LYN: variants seen among roughly 807,000 people sequenced by gnomAD.
The protein encoded by LYN is LYN proto-oncogene, Src family tyrosine kinase, also known as tyrosine-protein kinase Lyn.
LYN carries 12 observed loss-of-function variants against 65.0 expected under a neutral mutation model. The ratio of observed to expected loss-of-function variants is 0.18; its 90% confidence interval spans 0.12 to 0.30. The LOEUF (loss-of-function observed/expected upper bound fraction) is 0.30, where lower values mean the gene tolerates loss of function less well. Ranked by LOEUF, LYN falls within the 10% of genes least tolerant of loss-of-function variation. LYN has a pLI of 1.00. For synonymous variants in LYN, 222 were observed against 221.2 expected (o/e 1.00, Z -0.03); for missense variants, 380 against 623.2 (o/e 0.61, Z 4.16).
chr8:55,907,532 A>C (rs1034306277), intron 1 of LYN, among the ~76,000 whole-genome samples: 1 of 152,176 alleles, frequency 6.6e-6, no homozygotes, highest in African/African-American at 2.4e-5. Flanking sequence ...CAGCACAGTT[A>C]GGATCTTTAC....
At chr8:55,960,143 T>A (rs1807232411) in intron 8 of LYN, among the ~76,000 whole-genome samples, 1 of 152,210 alleles carries the variant, frequency 6.6e-6, no homozygotes, top group Admixed American at 6.5e-5. Flanking sequence ...ACTATATACT[T>A]TAAATGGGTA....
At chr8:55,960,963 T>A (rs1305344045) in intron 8 of LYN, among the ~76,000 whole-genome samples, 1 of 152,218 alleles carries the variant, frequency 6.6e-6, no homozygotes, top group Non-Finnish European at 1.5e-5. Context: ...TGGATTGTCC[T>A]ATTCCCAGGG....
chr8:55,979,563 T>C (rs1168525397), intron 10 of LYN, among the ~76,000 whole-genome samples: 8 of 152,102 alleles, frequency 5.3e-5, no homozygotes, highest in Admixed American at 1.3e-4. Flanking sequence ...ATGAGAAGCA[T>C]CTAAAAACTG....
At chr8:55,979,868 G>A (rs1481078980) in intron 10 of LYN, among the ~76,000 whole-genome samples, 3 of 152,314 alleles carry the variant, frequency 2.0e-5, no homozygotes, top group South Asian at 2.1e-4. Flanking sequence ...CCAGAGGGCC[G>A]CCCACCCTGG....
At chr8:55,959,000 T>C (rs111592867) in intron 8 of LYN, among the ~76,000 whole-genome samples, 15 of 152,342 alleles carry the variant, frequency 9.8e-5, no homozygotes, top group African/African-American at 3.1e-4. Flanking sequence ...GATCCTGTAA[T>C]TCTTCTATCT....
At chr8:55,951,272 A>T (rs909370045) in intron 6 of LYN, among the ~76,000 whole-genome samples, 2 of 152,074 alleles carry the variant, frequency 1.3e-5, no homozygotes, top group Non-Finnish European at 2.9e-5. Flanking sequence ...AAGAAAAGAA[A>T]AGTACTGTAG....
At position 55,924,065 on chromosome 8, in the gene LYN, C is replaced by CT. The variant is rs75288345; in HGVS notation, c.-5-17778dup. Among the ~76,000 whole-genome samples, 1,203 of 135,098 alleles carry CT rather than the reference C, an allele frequency of 8.9e-3. 7 individuals carry two copies. Among genetic ancestry groups the CT allele is most frequent in the African/African-American group, 0.018 (657 of 35,954 alleles). 88.6% of individuals were successfully genotyped at this position (135,098 alleles called of 152,430 possible). ...TGGTACTTGTTTTTTCTTTTTCTTTCTTTTTTTTTTTTATTATAGCAACCA... is the reference window on the plus strand; with the variant it reads ...TGGTACTTGTTTTTTCTTTTTCTTTCTTTTTTTTTTTTTATTATAGCAACCA... On this transcript the variant is annotated intron_variant, in intron 1 of 12. Transcript: ENST00000519728.
intron 10 of LYN, among the ~76,000 whole-genome samples, chr8:55,993,364 C>T (rs1808298264): frequency 6.6e-6 from 1 of 152,172 alleles, no homozygotes; most frequent in South Asian, 2.1e-4. Context: ...GAGGAAACCT[C>T]AGAAGTCTCT....
At chr8:55,906,608 C>T (rs567625963) in intron 1 of LYN, among the ~76,000 whole-genome samples, 1 of 145,168 alleles carries the variant, frequency 6.9e-6, no homozygotes, top group African/African-American at 2.6e-5. Context: ...CCACCTGTCT[C>T]AGCCTCCCAA....
At chr8:55,998,057 C>T (rs1808425173) in intron 10 of LYN, among the ~76,000 whole-genome samples, 1 of 151,192 alleles carries the variant, frequency 6.6e-6, no homozygotes, top group Non-Finnish European at 1.5e-5. Context: ...GCACTCCGGC[C>T]TGGGTGAAAG....
At chr8:55,892,191 G>A (rs1258509584) in intron 1 of LYN, among the ~76,000 whole-genome samples, 1 of 152,236 alleles carries the variant, frequency 6.6e-6, no homozygotes, top group African/African-American at 2.4e-5. Context: ...AGAAGGCCGA[G>A]GCAGATGGAT....
chr8:55,991,340 C>T (rs1285978443), intron 10 of LYN, among the ~76,000 whole-genome samples: 2 of 152,176 alleles, frequency 1.3e-5, no homozygotes, highest in Non-Finnish European at 2.9e-5. Flanking sequence ...CCACTTGTGC[C>T]TCTAGCTGCC....
chr8:55,981,656 A>C (rs1807927323), intron 10 of LYN, among the ~76,000 whole-genome samples: 4 of 152,248 alleles, frequency 2.6e-5, no homozygotes, highest in Admixed American at 2.6e-4. Flanking sequence ...GTGCCCGGCC[A>C]GAACACATGC....
At chr8:55,922,706 G>A (rs562119817) in intron 1 of LYN, among the ~76,000 whole-genome samples, 7 of 152,106 alleles carry the variant, frequency 4.6e-5, no homozygotes, top group Admixed American at 3.3e-4. Context: ...GGCGGAGGCT[G>A]CAGTGAGCTG....
chr8:55,941,925 A>C lies in LYN; in HGVS notation c.66A>C (p.Gln22His), dbSNP rs1806623359. ...LSDDGVDLKT[Q>H]PVRNTERTIY... ...ACGATGGAGTAGATTTGAAGACTCA[A>C]CCAGTACGTAATACTGAAAGAACTA... Residue 22 changes from glutamine to histidine, a missense_variant, in exon 2 of 13, where the codon CAA becomes CAC. By Grantham distance (24) the Gln-to-His change is conservative (BLOSUM62 0). Transcript: ENST00000519728. The C allele has an allele frequency of 6.2e-6, 10 of 1,612,548 alleles. No homozygotes were observed. The highest frequency in any genetic ancestry group is 7.6e-6 in the Non-Finnish European group (9 of 1,178,702).
At chr8:55,968,893 G>T (rs1807532323) in intron 9 of LYN, among the ~76,000 whole-genome samples, 1 of 152,226 alleles carries the variant, frequency 6.6e-6, no homozygotes, top group Non-Finnish European at 1.5e-5. Flanking sequence ...TCTTGCTTTA[G>T]AGATGAAGCC....
intron 1 of LYN, among the ~76,000 whole-genome samples, chr8:55,903,283 G>A (rs561491344): frequency 1.3e-5 from 2 of 152,316 alleles, no homozygotes; most frequent in Admixed American, 6.5e-5. Flanking sequence ...GTGAGCCACC[G>A]TGCTGGGCCT....
Position 56,011,773 on chromosome 8 carries a change from A to G in LYN, c.*1663A>G, listed in dbSNP as rs1255652833. 1 of 184,708 alleles carries G rather than the reference A, an allele frequency of 5.4e-6. No individual in the cohort carries two copies. Among genetic ancestry groups the G allele is most frequent in the Non-Finnish European group, 1.1e-5 (1 of 87,158 alleles). 11.4% of individuals were successfully genotyped at this position (184,708 alleles called of 1,614,324 possible). On this transcript the variant is annotated 3_prime_UTR_variant, in exon 13 of 13. Coordinates refer to ENST00000519728, the MANE Select transcript of LYN (RefSeq NM_002350.4). ...AATATTCTAAAATTATTGATTCACAAGTGCCATGTTCAGAACTATAGAATA... is the reference window on the plus strand; with the variant it reads ...AATATTCTAAAATTATTGATTCACAGGTGCCATGTTCAGAACTATAGAATA...
intron 1 of LYN, among the ~76,000 whole-genome samples, chr8:55,883,998 T>C (rs1443840302): frequency 6.6e-6 from 1 of 152,246 alleles, no homozygotes. Flanking sequence ...TCGGGGGAGA[T>C]ACCCATGTGT....
Sources: allele counts gnomAD v4.1 joint callset (sites outside exome capture counted in the v4.1 genomes callset), GRCh38; gene constraint gnomAD v4.1.1; transcripts MANE v1.5; gene names NCBI Gene and HGNC (gene_info 2026-07-23, HGNC 2026-07-21).